The following CIP2A variants were observed in gnomAD, a reference collection of about 807,000 sequenced individuals.
The protein encoded by CIP2A is cellular inhibitor of PP2A, also known as protein CIP2A.
Under a neutral mutation model 110.9 loss-of-function variants are expected in CIP2A, and 103 were observed. The observed-to-expected ratio is 0.93, with a 90% CI of 0.79 to 1.09. CIP2A has a LOEUF of 1.09. CIP2A is among the 50% of genes least tolerant of loss of function. The probability of loss-of-function intolerance (pLI) is 0.00; values close to 1 mark genes in which losing one functional copy is unlikely to be tolerated. For synonymous variants in CIP2A, 381 were observed against 361.6 expected (o/e 1.05, Z -0.61); for missense variants, 1,088 against 1,038.4 (o/e 1.05, Z -0.66).
intron 2 of CIP2A, among the ~76,000 whole-genome samples, chr3:108,584,212 T>C (rs1328177384): frequency 6.6e-6 from 1 of 152,158 alleles, no homozygotes. Context: ...AGGGGAATAG[T>C]TGAATAAATT....
intron 16 of CIP2A, 51 bp downstream of exon 16, chr3:108,559,706 T>C: frequency 9.3e-7 from 1 of 1,070,568 alleles, no homozygotes; most frequent in East Asian, 2.5e-5. Context: ...TTTTGCATGT[T>C]TTACTTATTA....
At position 108,569,416 on chromosome 3, in the gene CIP2A, T is replaced by C. The variant is rs1322006162; in HGVS notation, c.1086A>G (p.Ala362=). The C allele has an allele frequency of 1.2e-6, 2 of 1,612,322 alleles. No individual in the cohort carries two copies. The highest frequency in any genetic ancestry group is 1.3e-5 in the African/African-American group (1 of 74,828). Residue 362 remains alanine, a synonymous_variant, in exon 9 of 21, where the codon GCA becomes GCG. Transcript: ENST00000295746. ...CAAATATTTCCTTGAACAACTCCAA[T>C]GCTAAAACAGAACAGTTTTCTGATC... ...LDGSENCSVL[A]LELFKEIFED...
intron 11 of CIP2A, among the ~76,000 whole-genome samples, chr3:108,566,043 A>G (rs1380696780): frequency 6.6e-6 from 1 of 151,748 alleles, no homozygotes; most frequent in Non-Finnish European, 1.5e-5. Flanking sequence ...TCTTATTACC[A>G]TCAGTGAAAA....
chr3:108,552,494 C>T (rs1937619890), intron 19 of CIP2A, 121 bp from the exon 20 acceptor site: 2 of 525,176 alleles, frequency 3.8e-6, no homozygotes, highest in East Asian at 3.3e-5. Flanking sequence ...AGAAACTTCT[C>T]TTATGACAGT....
At chr3:108,584,814 G>A (rs73210644) in intron 2 of CIP2A, 15,067 of 321,858 alleles carry the variant, frequency 0.047, 437 homozygotes, top group Middle Eastern at 0.081. Flanking sequence ...AAAGAAATGG[G>A]GGAAAAGATA....
chr3:108,569,967 G>GT (rs1938328916), intron 8 of CIP2A, among the ~76,000 whole-genome samples: 1 of 151,980 alleles, frequency 6.6e-6, no homozygotes, highest in Non-Finnish European at 1.5e-5. Context: ...ATTAGAATTA[G>GT]TAATACTTGT....
intron 1 of CIP2A, 135 bp downstream of exon 1, chr3:108,589,139 C>CAGTA: frequency 1.6e-6 from 1 of 643,768 alleles, no homozygotes; most frequent in Non-Finnish European, 2.8e-6. Context: ...TAGCCTTTAC[C>CAGTA]AGTACGAAAA....
In CIP2A at chr3:108,577,760, G is replaced by A. The variant is rs147907455; in HGVS notation, c.819-1414C>T. Among the ~76,000 whole-genome samples the A allele has an allele frequency of 1.3e-4, 20 of 152,158 alleles. No homozygotes were observed. The East Asian group carries it at 2.9e-3, about 22-fold the overall frequency. On this transcript the variant is annotated intron_variant, in intron 7 of 20. Transcript: ENST00000295746. The stretch of plus-strand genomic sequence containing the variant: ...CTAAAAATACAAAAATTAGCTGGGC[G>A]TGGTGACGTGTGCCTGTAATCCCAG...
At chr3:108,575,269 TATAC>T (rs1304085671) in intron 8 of CIP2A, among the ~76,000 whole-genome samples, 1 of 151,746 alleles carries the variant, frequency 6.6e-6, no homozygotes, top group Non-Finnish European at 1.5e-5. Context: ...TACATGTGTA[TATAC>T]ACACACACGT....
Position 108,550,964 on chromosome 3 carries a change from A to T in CIP2A, c.*185T>A, listed in dbSNP as rs1032152326. Reference sequence around the variant, plus strand: ...AAGCCAGAAACAAAAAGTAAAACTTAGAAAATTAAATTTCTATTCAAACTA... The same window carrying T: ...AAGCCAGAAACAAAAAGTAAAACTTTGAAAATTAAATTTCTATTCAAACTA... On this transcript the variant is annotated 3_prime_UTR_variant, in exon 21 of 21. Transcript: ENST00000295746. 3 of 364,260 alleles carry T rather than the reference A, an allele frequency of 8.2e-6. No homozygotes were observed. The highest frequency in any genetic ancestry group is 9.6e-6 in the Non-Finnish European group (2 of 207,340). The allele number at this position is 364,260 out of a possible 1,614,324, so 22.6% of individuals were successfully genotyped here.
intron 2 of CIP2A, among the ~76,000 whole-genome samples, chr3:108,584,209 T>C (rs1938972611): frequency 2.0e-5 from 3 of 152,206 alleles, no homozygotes; most frequent in African/African-American, 7.2e-5. Context: ...ATTAGGGGAA[T>C]AGTTGAATAA....
intron 9 of CIP2A, among the ~76,000 whole-genome samples, chr3:108,569,059 G>C (rs1356028891): frequency 1.3e-5 from 2 of 149,388 alleles, no homozygotes; most frequent in Non-Finnish European, 3.0e-5. Flanking sequence ...TACTAAACTT[G>C]GTAGATGGCA....
chr3:108,562,629 T>C (rs1938046973), intron 13 of CIP2A, among the ~76,000 whole-genome samples: 1 of 152,066 alleles, frequency 6.6e-6, no homozygotes, highest in Non-Finnish European at 1.5e-5. Context: ...TAGTAGAAAA[T>C]TTTGCCTGGT....
chr3:108,557,413 G>T lies in CIP2A; in HGVS notation c.2015C>A (p.Ala672Glu). ...TCTCAACATACTAGCAAGTGTCCGT[G>T]CCTCAAAAAAAAAAAGAAGATAGAC... ...RCQRTQAETE[A>E]RTLASMLREV... Residue 672 changes from alanine to glutamate, a missense_variant and splice_region_variant, in exon 17 of 21, where the codon GCA (alanine) becomes GAA (glutamate). Ala to Glu is a moderately radical substitution (Grantham distance 107). Coordinates refer to ENST00000295746, the MANE Select transcript of CIP2A (RefSeq NM_020890.3). 1 of 1,566,414 alleles carries T rather than the reference G, an allele frequency of 6.4e-7. No homozygotes were observed. The highest frequency in any genetic ancestry group is 8.7e-7 in the Non-Finnish European group (1 of 1,155,278).
At position 108,553,184 on chromosome 3, in the gene CIP2A, G is replaced by A. The variant is rs949294388; in HGVS notation, c.2407+464C>T. Among the ~76,000 whole-genome samples, 3 of 127,488 alleles carry A rather than the reference G, an allele frequency of 2.4e-5. 1 individual carries two copies. The South Asian group carries it at 7.4e-4, about 32-fold the overall frequency. 83.6% of individuals were successfully genotyped at this position (127,488 alleles called of 152,430 possible). ...GCTTTGTCACCCAGGTTGGAGTGCA[G>A]TGGCGTGAACATAGCTCACTGCAGC... On this transcript the variant is annotated intron_variant, in intron 19 of 20. Transcript: ENST00000295746.
chr3:108,562,136 C>T lies in CIP2A; in HGVS notation c.1634+990G>A, dbSNP rs1938025652. On this transcript the variant is annotated intron_variant, in intron 13 of 20. Transcript: ENST00000295746. The stretch of plus-strand genomic sequence containing the variant: ...TTATATGTTCTCTAGGTCTTACATC[C>T]CATACTTTAACTCTTAAGGTATGAT... 5.9e-5 allele frequency among the ~76,000 whole-genome samples: 9 copies of T among 152,176 alleles called. No individual in the cohort carries two copies. In the South Asian group the frequency reaches 1.9e-3, roughly 32 times the overall value.
chr3:108,578,422 T>C (rs184305319), intron 7 of CIP2A, among the ~76,000 whole-genome samples: 1 of 152,320 alleles, frequency 6.6e-6, no homozygotes, highest in Non-Finnish European at 1.5e-5. Context: ...AATGCTAAAG[T>C]GAATACTTCT....
intron 13 of CIP2A, among the ~76,000 whole-genome samples, chr3:108,561,591 C>T (rs1212460075): frequency 6.6e-6 from 1 of 152,002 alleles, no homozygotes; most frequent in African/African-American, 2.4e-5. Context: ...ATCACTTGAG[C>T]CCCAGAGGTC....
rs1937982425 is a variant in CIP2A at position 108,560,815 on chromosome 3, T to C, written c.1661A>G (p.Asn554Ser). The change falls in exon 14 of 21, where the codon AAT becomes AGT. Residue 554 changes from asparagine (N) to serine (S), a missense_variant. Coordinates refer to ENST00000295746, the MANE Select transcript of CIP2A (RefSeq NM_020890.3). ...LVLGESIAANNAYRQQETEHI... is the reference protein window; with the variant it reads ...LVLGESIAANSAYRQQETEHI... The stretch of plus-strand genomic sequence containing the variant: ...TTCTGTTTCCTGTTGTCTATAGGCA[T>C]TGTTTGCTGCTATACTTTCTCCAAG... The C allele has an allele frequency of 6.2e-7, 1 of 1,605,376 alleles. No individual in the cohort carries two copies. The highest frequency in any genetic ancestry group is 1.7e-5 in the Admixed American group (1 of 58,816).
Sources: allele counts gnomAD v4.1 joint callset (sites outside exome capture counted in the v4.1 genomes callset), GRCh38; gene constraint gnomAD v4.1.1; transcripts MANE v1.5; gene names NCBI Gene and HGNC (gene_info 2026-07-23, HGNC 2026-07-21).